The following STIM2 variants were observed in gnomAD, a reference collection of about 807,000 sequenced individuals.
STIM2 encodes stromal interaction molecule 2.
STIM2 carries 31 observed loss-of-function variants against 85.8 expected under a neutral mutation model. That is an observed-to-expected ratio of 0.36 (90% CI 0.27 to 0.49). The LOEUF is 0.49. Among genes scored for constraint, STIM2 ranks in the 20% least tolerant of loss-of-function variants. The pLI is 0.98. For missense variants in STIM2, 841 were observed against 927.6 expected, an observed-to-expected ratio of 0.91 and a Z score of 1.21; for synonymous variants, 356 against 331.1, an observed-to-expected ratio of 1.08 and a Z score of -0.82.
intron 3 of STIM2, among the ~76,000 whole-genome samples, chr4:26,983,187 A>G (rs1195252430): frequency 6.6e-6 from 1 of 152,266 alleles, no homozygotes; most frequent in Non-Finnish European, 1.5e-5. Context: ...CTATCCAGTA[A>G]CTTGGTGGAA....
At chr4:26,946,652 CAT>C (rs1238501326) in intron 2 of STIM2, among the ~76,000 whole-genome samples, 1 of 152,240 alleles carries the variant, frequency 6.6e-6, no homozygotes, top group African/African-American at 2.4e-5. Flanking sequence ...TTTCCGATGG[CAT>C]ATCCCTTTCC....
At chr4:27,009,067 T>G (rs1728471998) in intron 10 of STIM2, 65 bp downstream of exon 10, 9 of 1,393,498 alleles carry the variant, frequency 6.5e-6, no homozygotes, top group Non-Finnish European at 6.0e-6. Flanking sequence ...CTATGTCCTT[T>G]TAGGAATCAT....
intron 1 of STIM2, among the ~76,000 whole-genome samples, chr4:26,882,781 A>C (rs1187777617): frequency 6.6e-6 from 1 of 151,032 alleles, no homozygotes; most frequent in Non-Finnish European, 1.5e-5. Context: ...TTATGGCTTC[A>C]ACTACTATAT....
chr4:26,893,690 C>T (rs1338270400), intron 1 of STIM2, among the ~76,000 whole-genome samples: 1 of 152,170 alleles, frequency 6.6e-6, no homozygotes, highest in Non-Finnish European at 1.5e-5. Flanking sequence ...TATCAGCTTT[C>T]CTTAGTAATG....
intron 2 of STIM2, among the ~76,000 whole-genome samples, chr4:26,954,923 G>A (rs554052202): frequency 1.4e-5 from 2 of 146,694 alleles, no homozygotes; most frequent in South Asian, 4.3e-4. Flanking sequence ...ATTTTTAGAT[G>A]GTAATTCCAG....
At chr4:26,953,331 C>A (rs1726125635) in intron 2 of STIM2, among the ~76,000 whole-genome samples, 1 of 152,082 alleles carries the variant, frequency 6.6e-6, no homozygotes, top group South Asian at 2.1e-4. Flanking sequence ...AAAAACCACT[C>A]AAAATATTTT....
chr4:26,978,819 A>G (rs1303790542), intron 3 of STIM2, among the ~76,000 whole-genome samples: 1 of 152,208 alleles, frequency 6.6e-6, no homozygotes, highest in African/African-American at 2.4e-5. Flanking sequence ...AAGAATCACT[A>G]GACTTTGAGA....
chr4:26,986,585 T>C (rs1283521365), intron 3 of STIM2, among the ~76,000 whole-genome samples: 2 of 152,240 alleles, frequency 1.3e-5, no homozygotes, highest in Non-Finnish European at 2.9e-5. Context: ...TCTTTTATAC[T>C]GATTTGTTTA....
chr4:26,869,641 G>A (rs572111339), intron 1 of STIM2, among the ~76,000 whole-genome samples: 4 of 151,924 alleles, frequency 2.6e-5, no homozygotes, highest in African/African-American at 9.7e-5. Context: ...CAATCTTCCC[G>A]CCTTAGCCTC....
At position 27,016,977 on chromosome 4, in the gene STIM2, A is replaced by G. The variant is rs1228248202; in HGVS notation, c.1490-734A>G. 6.6e-5 allele frequency among the ~76,000 whole-genome samples: 10 copies of G among 152,230 alleles called. No individual in the cohort carries two copies. The East Asian group carries it at 1.3e-3, about 21-fold the overall frequency. ...GCCACCCACTTTTTGTTCTGATGCT[A>G]TAGCATCTGAACCATGCAGGAGCGA... is the stretch of plus-strand genomic sequence containing the variant. On this transcript the variant is annotated intron_variant, in intron 10 of 11. Transcript: ENST00000467087.
intron 8 of STIM2, chr4:27,008,064 C>G: frequency 1.4e-6 from 1 of 699,418 alleles, no homozygotes; most frequent in South Asian, 1.6e-5. Flanking sequence ...GAGAATAAGT[C>G]TTAATCTGAA....
intron 2 of STIM2, among the ~76,000 whole-genome samples, chr4:26,935,235 G>A (rs1352933674): frequency 6.6e-6 from 1 of 152,124 alleles, no homozygotes; most frequent in Non-Finnish European, 1.5e-5. Flanking sequence ...ATCTTATAGG[G>A]TATGTGTAAG....
intron 1 of STIM2, among the ~76,000 whole-genome samples, chr4:26,918,625 A>T (rs1224381237): frequency 6.6e-6 from 1 of 152,180 alleles, no homozygotes; most frequent in African/African-American, 2.4e-5. Flanking sequence ...GTAAGTTCCT[A>T]GAATTTTGTC....
chr4:27,012,851 T>G (rs1366295160), intron 10 of STIM2, among the ~76,000 whole-genome samples: 2 of 151,754 alleles, frequency 1.3e-5, no homozygotes, highest in Admixed American at 6.6e-5. Context: ...CTAAGAATGG[T>G]TTTTTTTGGT....
intron 1 of STIM2, among the ~76,000 whole-genome samples, chr4:26,877,470 A>T (rs1442713489): frequency 6.7e-6 from 1 of 148,950 alleles, no homozygotes; most frequent in Non-Finnish European, 1.5e-5. Context: ...CATCTGGGTA[A>T]TCTCTGTTTG....
At chr4:26,960,951 C>T (rs1726433202) in intron 3 of STIM2, among the ~76,000 whole-genome samples, 1 of 151,420 alleles carries the variant, frequency 6.6e-6, no homozygotes, top group African/African-American at 2.4e-5. Flanking sequence ...GTCATCCCAG[C>T]TACTAGGGAG....
intron 7 of STIM2, among the ~76,000 whole-genome samples, chr4:27,004,137 A>ATT (rs1728253459): frequency 6.6e-6 from 1 of 152,232 alleles, no homozygotes; most frequent in Admixed American, 6.5e-5. Flanking sequence ...AGGTCAACTC[A>ATT]TGAGAATACA....
At chr4:26,904,291 A>G (rs1724042264) in intron 1 of STIM2, among the ~76,000 whole-genome samples, 2 of 152,042 alleles carry the variant, frequency 1.3e-5, no homozygotes, top group South Asian at 4.1e-4. Context: ...ACAGACAATA[A>G]ATGATTCATA....
At chr4:27,018,771 T>C (rs1337975626) in intron 11 of STIM2, among the ~76,000 whole-genome samples, 1 of 152,210 alleles carries the variant, frequency 6.6e-6, no homozygotes, top group Non-Finnish European at 1.5e-5. Flanking sequence ...TCATGAACAA[T>C]TTTATATGTA....
Sources: gnomAD v4.1 joint callset for allele counts (sites outside exome capture counted in the v4.1 genomes callset) on GRCh38, gnomAD v4.1.1 for gene constraint, MANE v1.5 for transcripts, NCBI Gene and HGNC (gene_info 2026-07-23, HGNC 2026-07-21) for gene names.